The following ASTN2 variants were observed in gnomAD, a reference collection of about 807,000 sequenced individuals.
ASTN2 encodes astrotactin-2.
Under a neutral mutation model 139.8 loss-of-function variants are expected in ASTN2, and 54 were observed. The ratio of observed to expected loss-of-function variants is 0.39; its 90% CI spans 0.31 to 0.48. The LOEUF (loss-of-function observed/expected upper bound fraction) is 0.48, where lower values mean the gene tolerates loss of function less well. ASTN2 is among the 20% of genes least tolerant of loss of function. ASTN2 has a pLI of 0.95. For missense variants in ASTN2, 1,565 were observed against 1,725.1 expected, an observed-to-expected ratio of 0.91 and a Z score of 1.64; for synonymous variants, 756 against 719.5, an observed-to-expected ratio of 1.05 and a Z score of -0.81.
intron 3 of ASTN2, among the ~76,000 whole-genome samples, chr9:117,153,857 CGAAT>C (rs1830377046): frequency 6.6e-6 from 1 of 151,938 alleles, no homozygotes; most frequent in South Asian, 2.1e-4. Flanking sequence ...CTATGCTTGC[CGAAT>C]GAATGAACAC....
intron 2 of ASTN2, among the ~76,000 whole-genome samples, chr9:117,275,372 C>G (rs530772842): frequency 6.6e-6 from 1 of 152,106 alleles, no homozygotes; most frequent in Non-Finnish European, 1.5e-5. Flanking sequence ...ATACTAAAAA[C>G]TGGATGGCCT....
At chr9:117,190,450 C>T (rs1156838501) in intron 3 of ASTN2, among the ~76,000 whole-genome samples, 1 of 152,046 alleles carries the variant, frequency 6.6e-6, no homozygotes, top group Non-Finnish European at 1.5e-5. Flanking sequence ...TCAGTTTGGC[C>T]CTAACTGTTT....
intron 3 of ASTN2, among the ~76,000 whole-genome samples, chr9:117,155,526 G>A (rs1286461359): frequency 6.6e-6 from 1 of 151,692 alleles, no homozygotes; most frequent in East Asian, 1.9e-4. Context: ...CAGAGACAGA[G>A]AGGCTGTGAT....
intron 5 of ASTN2, 77 bp from the exon 6 acceptor site, chr9:117,040,042 C>A: frequency 7.1e-7 from 1 of 1,410,530 alleles, no homozygotes; most frequent in African/African-American, 1.5e-5. Context: ...TTTGGGAATT[C>A]TATTATTTTC....
chr9:116,985,147 T>G (rs1311232970), intron 7 of ASTN2, among the ~76,000 whole-genome samples: 1 of 152,202 alleles, frequency 6.6e-6, no homozygotes, highest in Non-Finnish European at 1.5e-5. Context: ...GGTCTTGACA[T>G]CTGAGCAACT....
At chr9:117,003,031 TTC>T (rs1334444422) in intron 7 of ASTN2, among the ~76,000 whole-genome samples, 3 of 152,168 alleles carry the variant, frequency 2.0e-5, no homozygotes, top group African/African-American at 7.2e-5. Flanking sequence ...AAAGACATTT[TTC>T]TTTTTCTGTG....
intron 11 of ASTN2, among the ~76,000 whole-genome samples, chr9:116,860,637 G>A (rs549774201): frequency 1.1e-4 from 17 of 152,158 alleles, no homozygotes; most frequent in Non-Finnish European, 1.9e-4. Flanking sequence ...AGCTCCCAGT[G>A]TGGGAAAGCA....
At chr9:117,265,452 G>C (rs1833919321) in intron 2 of ASTN2, among the ~76,000 whole-genome samples, 2 of 152,268 alleles carry the variant, frequency 1.3e-5, no homozygotes, top group South Asian at 4.2e-4. Context: ...GGGCAGAGGG[G>C]TACCGAGCTG....
At chr9:117,278,074 CATG>C (rs1005912156) in intron 2 of ASTN2, among the ~76,000 whole-genome samples, 2 of 152,168 alleles carry the variant, frequency 1.3e-5, no homozygotes, top group African/African-American at 4.8e-5. Context: ...GCGCTGTAAT[CATG>C]ATAAATCATC....
At chr9:117,290,663 A>T (rs552430582) in intron 2 of ASTN2, among the ~76,000 whole-genome samples, 9 of 152,388 alleles carry the variant, frequency 5.9e-5, no homozygotes, top group African/African-American at 2.2e-4. Context: ...GAGAGAAAAC[A>T]GGGTGTACAG....
At chr9:117,237,597 A>T (rs61332851) in intron 2 of ASTN2, among the ~76,000 whole-genome samples, 2,478 of 152,270 alleles carry the variant, frequency 0.016, 29 homozygotes, top group Middle Eastern at 0.027. Context: ...CTCTTGCCTC[A>T]GCCTCCCGAG....
intron 4 of ASTN2, 34 bp from the exon 5 acceptor site, chr9:117,096,185 C>T (rs779032702): frequency 6.4e-7 from 1 of 1,566,908 alleles, no homozygotes; most frequent in Non-Finnish European, 8.8e-7. Context: ...GTTAGTCTCC[C>T]AGGCCTCCAG....
At chr9:117,058,274 A>G (rs1839125086) in intron 5 of ASTN2, among the ~76,000 whole-genome samples, 1 of 152,204 alleles carries the variant, frequency 6.6e-6, no homozygotes, top group Non-Finnish European at 1.5e-5. Flanking sequence ...GATCATCCTA[A>G]GGCAGGAAAA....
At chr9:116,532,666 A>G (rs1382535815) in intron 19 of ASTN2, among the ~76,000 whole-genome samples, 4 of 152,100 alleles carry the variant, frequency 2.6e-5, no homozygotes, top group Non-Finnish European at 4.4e-5. Context: ...AAGATCAGAT[A>G]GTTGTAGATG....
intron 2 of ASTN2, among the ~76,000 whole-genome samples, chr9:117,288,581 T>C (rs1013780167): frequency 6.6e-6 from 1 of 152,224 alleles, no homozygotes; most frequent in Non-Finnish European, 1.5e-5. Flanking sequence ...AACTGCCTTT[T>C]TGTTAGCCCA....
chr9:116,869,445 T>G (rs138210421), intron 10 of ASTN2, among the ~76,000 whole-genome samples: 1 of 152,266 alleles, frequency 6.6e-6, no homozygotes, highest in African/African-American at 2.4e-5. Context: ...ATCAAAGTGT[T>G]CCTAATACTG....
chr9:116,858,153 G>A (rs1258128263), intron 11 of ASTN2, among the ~76,000 whole-genome samples: 1 of 152,160 alleles, frequency 6.6e-6, no homozygotes, highest in African/African-American at 2.4e-5. Flanking sequence ...AGTCCCAGAT[G>A]CCCCATCTGT....
chr9:116,634,020 G>A (rs1217103282), intron 17 of ASTN2, among the ~76,000 whole-genome samples: 1 of 152,146 alleles, frequency 6.6e-6, no homozygotes, highest in Non-Finnish European at 1.5e-5. Flanking sequence ...ATTGAGGTTA[G>A]GAGCATGGTC....
At chr9:116,835,969 A>G (rs1191574668) in intron 11 of ASTN2, among the ~76,000 whole-genome samples, 2 of 151,760 alleles carry the variant, frequency 1.3e-5, no homozygotes, top group East Asian at 1.9e-4. Context: ...CAAACCTTCT[A>G]TTTTCTCTGG....
Sources: allele counts gnomAD v4.1 joint callset (sites outside exome capture counted in the v4.1 genomes callset), GRCh38; gene constraint gnomAD v4.1.1; transcripts MANE v1.5; gene names NCBI Gene and HGNC (gene_info 2026-07-23, HGNC 2026-07-21).